PARL: variants seen among roughly 807,000 people sequenced by gnomAD.
PARL encodes presenilin-associated rhomboid-like protein, mitochondrial.
A neutral mutation model predicts 51.6 loss-of-function variants in PARL; 44 were observed. The ratio of observed to expected loss-of-function variants is 0.85; its 90% CI spans 0.67 to 1.10. The LOEUF is 1.10. PARL is among the 50% of genes least tolerant of loss of function. The pLI, the probability that PARL is intolerant of heterozygous loss-of-function variation, is 0.00. For missense variants in PARL, 441 were observed against 469.5 expected, an observed-to-expected ratio of 0.94 and a Z score of 0.56; for synonymous variants, 172 against 164.0, an observed-to-expected ratio of 1.05 and a Z score of -0.37.
Position 183,829,717 on chromosome 3 carries a change from AAAAC to A in PARL, c.1029-12_1029-9del, listed in dbSNP as rs1313409955. 16 of 1,610,186 alleles carry A rather than the reference AAAAC, an allele frequency of 9.9e-6. No homozygotes were observed. The highest frequency in any genetic ancestry group is 1.3e-5 in the African/African-American group (1 of 74,884). Reference sequence around the variant, plus strand: ...CCGTAAGTAACATACCATCTGGAGAAAAACAAACCAGGTCCGACATTCAAACAGT... The same window carrying A: ...CCGTAAGTAACATACCATCTGGAGAAAAACCAGGTCCGACATTCAAACAGT... On this transcript the variant is annotated splice_polypyrimidine_tract_variant and intron_variant, in intron 9 of 9. Coordinates refer to ENST00000317096, the MANE Select transcript of PARL (RefSeq NM_018622.7).
chr3:183,860,393 A>G (rs1731677200), intron 4 of PARL, among the ~76,000 whole-genome samples: 1 of 152,254 alleles, frequency 6.6e-6, no homozygotes, highest in Admixed American at 6.5e-5. Flanking sequence ...GACACAAGAC[A>G]GTTCAAATGG....
intron 1 of PARL, among the ~76,000 whole-genome samples, chr3:183,882,732 A>G (rs2108731053): frequency 6.6e-6 from 1 of 152,240 alleles, no homozygotes; most frequent in African/African-American, 2.4e-5. Flanking sequence ...CAATCCTTTA[A>G]AAATGTAAAC....
rs145214746 is a variant in PARL, at chr3:183,865,685, T to TA, written c.462+939_462+940insT. ...CTGCAACCCCGACCTGTGGAAAAAT[T>TA]GTCTTGCACAAAACCAGTCCCTGGT... On this transcript the variant is annotated intron_variant, in intron 3 of 9. Coordinates refer to ENST00000317096, the MANE Select transcript of PARL (RefSeq NM_018622.7). 8.7e-3 allele frequency among the ~76,000 whole-genome samples: 1,321 copies of TA among 152,170 alleles called. 20 individuals are homozygous for TA. Among genetic ancestry groups the TA allele is most frequent in the African/African-American group, 0.031 (1,271 of 41,528 alleles).
At position 183,842,375 on chromosome 3, in the gene PARL, T is replaced by C. The variant is rs972362245; in HGVS notation, c.680A>G (p.Tyr227Cys). ...FSLFHMAANM[Y>C]VLWSFSSSIV... is the part of the protein sequence containing the mutation. ...GCTGGAAGAGAAGCTCCACAAAACA[T>C]ACATATTTGCTGCCATGTGAAATAA... Residue 227 changes from tyrosine (Y) to cysteine (C), a missense_variant, in exon 6 of 10, where the codon TAT (tyrosine) becomes TGT (cysteine). Tyr to Cys is a radical substitution (Grantham distance 194). Transcript: ENST00000317096. The C allele has an allele frequency of 4.3e-6, 7 of 1,613,714 alleles. No individual in the cohort carries two copies. The highest frequency in any genetic ancestry group is 3.3e-4 in the Middle Eastern group (2 of 6,052).
intron 2 of PARL, 103 bp downstream of exon 2, chr3:183,867,762 C>T: frequency 1.2e-6 from 1 of 823,862 alleles, no homozygotes; most frequent in Non-Finnish European, 2.1e-6. Flanking sequence ...CTTTTTGATC[C>T]CCCCTCTACC....
At chr3:183,863,157 A>C (rs946527347) in intron 3 of PARL, among the ~76,000 whole-genome samples, 1 of 152,226 alleles carries the variant, frequency 6.6e-6, no homozygotes. Flanking sequence ...GACAGGTACC[A>C]AGGAAGTGAT....
intron 1 of PARL, among the ~76,000 whole-genome samples, chr3:183,878,453 G>C (rs1560436950): frequency 6.6e-6 from 1 of 152,164 alleles, no homozygotes. Flanking sequence ...ACTAGATGTG[G>C]CAGAGGCAGT....
At chr3:183,870,351 T>A (rs1577375132) in intron 1 of PARL, among the ~76,000 whole-genome samples, 1 of 150,708 alleles carries the variant, frequency 6.6e-6, no homozygotes, top group East Asian at 2.0e-4. Context: ...GCCAACTCTA[T>A]CAAAAATACT....
chr3:183,859,990 A>C (rs992382213), intron 4 of PARL, among the ~76,000 whole-genome samples: 1 of 152,032 alleles, frequency 6.6e-6, no homozygotes, highest in African/African-American at 2.4e-5. Flanking sequence ...AGAGAGGCAC[A>C]CTGGTCTCAC....
At chr3:183,855,477 T>C (rs74429572) in intron 4 of PARL, among the ~76,000 whole-genome samples, 1,695 of 152,176 alleles carry the variant, frequency 0.011, 42 homozygotes, top group African/African-American at 0.039. Context: ...TCCAACCTTT[T>C]TGGCACCAAG....
intron 3 of PARL, among the ~76,000 whole-genome samples, chr3:183,863,757 T>C (rs905824012): frequency 6.6e-6 from 1 of 152,132 alleles, no homozygotes; most frequent in Non-Finnish European, 1.5e-5. Flanking sequence ...ATAATTATAA[T>C]TGCACTGTGT....
intron 1 of PARL, among the ~76,000 whole-genome samples, chr3:183,874,734 C>G (rs1733597043): frequency 6.6e-6 from 1 of 152,130 alleles, no homozygotes; most frequent in Admixed American, 6.6e-5. Context: ...TGAGATAGGC[C>G]AGGAGCTAAG....
intron 1 of PARL, among the ~76,000 whole-genome samples, chr3:183,882,251 A>ATATATATATATATATT (rs1734591030): frequency 3.9e-5 from 2 of 50,688 alleles, no homozygotes; most frequent in Admixed American, 2.6e-4. Flanking sequence ...ATATTTATAT[A>ATATATATATATATATT]TATATATATA....
intron 9 of PARL, among the ~76,000 whole-genome samples, chr3:183,833,061 G>A (rs1456127876): frequency 6.6e-6 from 1 of 152,200 alleles, no homozygotes; most frequent in Non-Finnish European, 1.5e-5. Flanking sequence ...GTCATACAGA[G>A]CAATGGCTCC....
At chr3:183,882,222 A>AATATATATATATATATATATATATATTT (rs1235101986) in intron 1 of PARL, among the ~76,000 whole-genome samples, 3 of 46,110 alleles carry the variant, frequency 6.5e-5, no homozygotes, top group African/African-American at 2.4e-4. Flanking sequence ...AAAAAAAAAA[A>AATATATATATATATATATATATATATTT]ATATATATAT....
chr3:183,835,135 T>G (rs1163865312), intron 7 of PARL, among the ~76,000 whole-genome samples: 1 of 145,588 alleles, frequency 6.9e-6, no homozygotes, highest in Non-Finnish European at 1.5e-5. Flanking sequence ...TTCCATAAGT[T>G]TTTAATTATT....
intron 4 of PARL, among the ~76,000 whole-genome samples, chr3:183,845,300 T>TAGCC (rs1729820643): frequency 6.6e-6 from 1 of 152,184 alleles, no homozygotes; most frequent in Admixed American, 6.5e-5. Context: ...GGTTCTCAGC[T>TAGCC]AGCCCCTGGC....
At chr3:183,881,750 G>A (rs1273974670) in intron 1 of PARL, among the ~76,000 whole-genome samples, 1 of 151,816 alleles carries the variant, frequency 6.6e-6, no homozygotes, top group Non-Finnish European at 1.5e-5. Context: ...AGAACAACTC[G>A]CCTCTAAAAA....
rs1256254980 is a variant in PARL, at chr3:183,844,046, AC to A, written c.607+184del. ...AGAGGAAGACTCCGTCTCAAAAAAA[AC>A]AAAGAAAAAGAAAAAGAGAGGTGAG... On this transcript the variant is annotated intron_variant, in intron 5 of 9. Transcript: ENST00000317096. 3.6e-4 allele frequency among the ~76,000 whole-genome samples: 55 copies of A among 152,184 alleles called. 1 individual carries two copies. Among genetic ancestry groups the A allele is most frequent in the Non-Finnish European group, 1.5e-4 (10 of 68,036 alleles).
Sources: allele counts gnomAD v4.1 joint callset (sites outside exome capture counted in the v4.1 genomes callset), GRCh38; gene constraint gnomAD v4.1.1; transcripts MANE v1.5; gene names NCBI Gene and HGNC (gene_info 2026-07-23, HGNC 2026-07-21).